WDR7: variants seen among roughly 807,000 people sequenced by gnomAD.
The protein encoded by WDR7 is WD repeat-containing protein 7.
In WDR7, 46 loss-of-function variants were observed where a neutral mutation model predicts 169.4. The ratio of observed to expected loss-of-function variants is 0.27; its 90% CI spans 0.21 to 0.35. WDR7 has a LOEUF of 0.35. Ranked by LOEUF, WDR7 falls within the 10% of genes least tolerant of loss-of-function variation. The pLI is 1.00. For missense variants in WDR7, 1,534 were observed against 1,859.3 expected (o/e 0.83, Z 3.22); for synonymous variants, 612 against 666.8 (o/e 0.92, Z 1.27).
At chr18:56,691,111 T>G (rs1428684649) in intron 7 of WDR7, 105 bp from the exon 8 acceptor site, 5 of 1,483,958 alleles carry the variant, frequency 3.4e-6, no homozygotes, top group Non-Finnish European at 4.5e-6. Context: ...GCAAACTGAG[T>G]TTTCTAAATA....
intron 24 of WDR7, 89 bp downstream of exon 24, chr18:56,938,771 A>C: frequency 6.7e-7 from 1 of 1,485,474 alleles, no homozygotes; most frequent in Middle Eastern, 1.8e-4. Context: ...TATTTCCAGC[A>C]TCTCTAAAAG....
At chr18:57,031,772 G>A (rs1214150392), downstream of WDR7, 2 of 152,348 alleles carry the variant, frequency 1.3e-5, no homozygotes, top group East Asian at 3.9e-4. Context: ...TGCTCGAATT[G>A]TAGGGGTATG....
At chr18:56,691,929 T>C (rs1030578521) in intron 9 of WDR7, 112 bp downstream of exon 9, 33 of 740,352 alleles carry the variant, frequency 4.5e-5, no homozygotes, top group Non-Finnish European at 6.2e-5. Flanking sequence ...CAAAGCACTG[T>C]GTTAAATGTA....
intron 1 of WDR7, among the ~76,000 whole-genome samples, chr18:56,671,068 C>T (rs184578510): frequency 6.6e-6 from 1 of 152,266 alleles, no homozygotes; most frequent in East Asian, 1.9e-4. Context: ...ATGTGCTCTC[C>T]TGCAAGAGGT....
chr18:57,007,115 G>A lies in WDR7; in HGVS notation c.4165-13630G>A, dbSNP rs552807978. On this transcript the variant is annotated intron_variant, in intron 26 of 27. Coordinates refer to ENST00000254442, the MANE Select transcript of WDR7 (RefSeq NM_015285.3). Reference sequence around the variant, plus strand: ...CTGCCTCAGCCTCCCGAGTAGCTGCGACTACAGGCGCCCGCCACAACACCC... The same window carrying A: ...CTGCCTCAGCCTCCCGAGTAGCTGCAACTACAGGCGCCCGCCACAACACCC... Among the ~76,000 whole-genome samples, 408 of 151,342 alleles carry A rather than the reference G, an allele frequency of 2.7e-3. 3 individuals are homozygous for A. The highest frequency in any genetic ancestry group is 7.7e-3 in the African/African-American group (319 of 41,366).
chr18:56,895,467 T>C (rs1400897671), intron 21 of WDR7, among the ~76,000 whole-genome samples: 4 of 115,752 alleles, frequency 3.5e-5, no homozygotes, highest in Non-Finnish European at 7.9e-5. Context: ...ATTTGCTAGA[T>C]ACACTTGGAT....
intron 19 of WDR7, among the ~76,000 whole-genome samples, chr18:56,796,026 C>T (rs1210642934): frequency 1.3e-5 from 2 of 152,096 alleles, no homozygotes; most frequent in South Asian, 2.1e-4. Flanking sequence ...TTCTGTACTT[C>T]GAAGGTTAAT....
At chr18:56,722,792 A>G (rs1330619818) in intron 13 of WDR7, among the ~76,000 whole-genome samples, 1 of 152,060 alleles carries the variant, frequency 6.6e-6, no homozygotes, top group African/African-American at 2.4e-5. Flanking sequence ...AGTCTTTCCC[A>G]TTAGGTATCC....
chr18:56,685,834 G>A, intron 5 of WDR7, 122 bp from the exon 6 acceptor site: 1 of 772,926 alleles, frequency 1.3e-6, no homozygotes, highest in Non-Finnish European at 2.1e-6. Context: ...AGAGAATTAT[G>A]TTTTTCTGCT....
chr18:56,936,700 G>A (rs1239566818), intron 23 of WDR7, among the ~76,000 whole-genome samples: 1 of 152,146 alleles, frequency 6.6e-6, no homozygotes, highest in African/African-American at 2.4e-5. Flanking sequence ...TAGGCATGCT[G>A]TAAATATTTG....
chr18:56,968,509 CAT>C (rs143736658), intron 26 of WDR7, among the ~76,000 whole-genome samples: 3,335 of 152,228 alleles, frequency 0.022, 111 homozygotes, highest in African/African-American at 0.075. Context: ...TCTTATGAGT[CAT>C]AAAAGATCTA....
At chr18:56,837,160 A>G (rs963802731) in intron 20 of WDR7, among the ~76,000 whole-genome samples, 2 of 152,222 alleles carry the variant, frequency 1.3e-5, no homozygotes, top group Non-Finnish European at 2.9e-5. Context: ...ATTGCTGTCA[A>G]TATAATTGGC....
intron 20 of WDR7, among the ~76,000 whole-genome samples, chr18:56,831,468 C>T (rs1284078478): frequency 6.6e-6 from 1 of 152,128 alleles, no homozygotes; most frequent in African/African-American, 2.4e-5. Context: ...GTCTAGGTTC[C>T]AGCTGGCAGG....
intron 12 of WDR7, among the ~76,000 whole-genome samples, chr18:56,698,869 T>C (rs1239395225): frequency 2.0e-5 from 3 of 152,040 alleles, no homozygotes; most frequent in Non-Finnish European, 4.4e-5. Context: ...TGCTTAACAA[T>C]AGAAATTTTC....
chr18:56,929,045 G>A (rs547075545), intron 22 of WDR7, among the ~76,000 whole-genome samples: 2 of 152,290 alleles, frequency 1.3e-5, no homozygotes, highest in Non-Finnish European at 2.9e-5. Flanking sequence ...AGCACTCTGG[G>A]AGGCTGAGGC....
intron 14 of WDR7, among the ~76,000 whole-genome samples, chr18:56,732,963 T>C (rs1004354998): frequency 5.3e-5 from 8 of 152,154 alleles, no homozygotes; most frequent in African/African-American, 2.4e-5. Context: ...TTTGGAAAAA[T>C]AATTATATAA....
intron 26 of WDR7, among the ~76,000 whole-genome samples, chr18:57,016,054 G>C (rs1037075492): frequency 2.0e-5 from 3 of 152,174 alleles, no homozygotes; most frequent in African/African-American, 7.2e-5. Flanking sequence ...AGGCATAATT[G>C]TGTTTTTCGA....
intron 19 of WDR7, among the ~76,000 whole-genome samples, chr18:56,792,765 A>AAC (rs10551903): frequency 0.039 from 5,823 of 147,718 alleles, 196 homozygotes; most frequent in African/African-American, 0.09. Context: ...TATTTTCTTT[A>AAC]ACACACACAC....
chr18:56,709,291 A>G (rs2144702220), intron 12 of WDR7, among the ~76,000 whole-genome samples: 1 of 152,330 alleles, frequency 6.6e-6, no homozygotes, highest in African/African-American at 2.4e-5. Context: ...GTATTGAAAA[A>G]GGGAAACTTA....
Sources: allele counts gnomAD v4.1 joint callset (sites outside exome capture counted in the v4.1 genomes callset), GRCh38; gene constraint gnomAD v4.1.1; transcripts MANE v1.5; gene names NCBI Gene and HGNC (gene_info 2026-07-23, HGNC 2026-07-21).